The following RBFOX1 variants were observed in gnomAD, a reference collection of about 807,000 sequenced individuals.
The protein encoded by RBFOX1 is RNA binding fox-1 homolog 1.
A neutral mutation model predicts 57.7 loss-of-function variants in RBFOX1; 8 were observed. The observed-to-expected ratio is 0.14, with a 90% CI of 0.08 to 0.25. The LOEUF (loss-of-function observed/expected upper bound fraction) is 0.25. Ranked by LOEUF, RBFOX1 falls within the 10% of genes least tolerant of loss-of-function variation. RBFOX1 has a pLI of 1.00. For synonymous variants in RBFOX1, 326 were observed against 222.4 expected, an observed-to-expected ratio of 1.47 and a Z score of -4.15; for missense variants, 611 against 548.5, an observed-to-expected ratio of 1.11 and a Z score of -1.14.
intron 3 of RBFOX1, among the ~76,000 whole-genome samples, chr16:5,637,847 G>C (rs968227934): frequency 2.6e-5 from 4 of 152,106 alleles, no homozygotes; most frequent in African/African-American, 9.7e-5. Context: ...TGGATTCCAG[G>C]GGCCTCTCCT....
chr16:5,351,829 G>C (rs1017957159), intron 1 of RBFOX1, among the ~76,000 whole-genome samples: 4 of 152,120 alleles, frequency 2.6e-5, no homozygotes, highest in African/African-American at 9.7e-5. Context: ...TTGAGACAGA[G>C]TTTCACTCTT....
chr16:6,928,746 G>GT (rs990074731), intron 3 of RBFOX1, among the ~76,000 whole-genome samples: 8 of 152,156 alleles, frequency 5.3e-5, no homozygotes, highest in Admixed American at 6.5e-5. Flanking sequence ...GGTTGCATAT[G>GT]TGTGTGTTTC....
At chr16:7,363,499 A>G (rs1414196796) in intron 4 of RBFOX1, among the ~76,000 whole-genome samples, 1 of 151,496 alleles carries the variant, frequency 6.6e-6, no homozygotes, top group Non-Finnish European at 1.5e-5. Context: ...ATAAAGGAAA[A>G]AAAAAATAAG....
At position 7,579,673 on chromosome 16, in the gene RBFOX1, G is replaced by T. The variant is rs1263194005; in HGVS notation, c.271-104G>T. ...CAGCATTTTCTTCCCTTCTCAGATT[G>T]CTTAGTTCTGATCTTTTCCTGCCAC... On this transcript the variant is annotated intron_variant, in intron 5 of 15. Transcript: ENST00000550418. The T allele has an allele frequency of 3.6e-6, 5 of 1,406,326 alleles. No individual in the cohort carries two copies. The African/African-American group carries it at 7.1e-5, about 20-fold the overall frequency. The allele number at this position is 1,406,326 out of a possible 1,614,324, so 87.1% of individuals were successfully genotyped here.
chr16:6,060,614 C>T lies in RBFOX1; in HGVS notation c.-127+40622C>T, dbSNP rs142744441. On this transcript the variant is annotated intron_variant, in intron 1 of 15. Coordinates refer to ENST00000550418, the MANE Select transcript of RBFOX1 (RefSeq NM_018723.4). ...TGGTGTTGTAAACAGGAGTTCTCCA[C>T]ATGCATGTGTTGCTAAGCAACACAG... is the stretch of plus-strand genomic sequence containing the variant. Among the ~76,000 whole-genome samples, 20 of 152,316 alleles carry T rather than the reference C, an allele frequency of 1.3e-4. No individual in the cohort carries two copies. The East Asian group carries it at 3.9e-3, about 29-fold the overall frequency.
chr16:5,462,686 T>C (rs1472285938), intron 1 of RBFOX1, among the ~76,000 whole-genome samples: 1 of 152,208 alleles, frequency 6.6e-6, no homozygotes, highest in Non-Finnish European at 1.5e-5. Context: ...TGGCATGGAA[T>C]TCTACGCACC....
intron 3 of RBFOX1, among the ~76,000 whole-genome samples, chr16:5,788,355 G>C (rs556580330): frequency 4.6e-5 from 7 of 152,212 alleles, no homozygotes; most frequent in African/African-American, 1.7e-4. Flanking sequence ...GTGGCTGGGC[G>C]TGGTGGCTCA....
At position 6,320,523 on chromosome 16, in the gene RBFOX1, C is replaced by T. The variant is rs534539951; in HGVS notation, c.-64+3466C>T. 9.2e-5 allele frequency among the ~76,000 whole-genome samples: 14 copies of T among 151,632 alleles called. 1 individual carries two copies. The South Asian group carries it at 2.1e-3, about 23-fold the overall frequency. ...TAAAATTTAATTTTTTTTTAAATTGCGAAGATTTAAGGTATATATGAGACA... is the reference window on the plus strand; with the variant it reads ...TAAAATTTAATTTTTTTTTAAATTGTGAAGATTTAAGGTATATATGAGACA... On this transcript the variant is annotated intron_variant, in intron 2 of 15. Coordinates refer to ENST00000550418, the MANE Select transcript of RBFOX1 (RefSeq NM_018723.4).
At chr16:6,450,825 A>AGATATG in intron 2 of RBFOX1, among the ~76,000 whole-genome samples, 1 of 14,578 alleles carries the variant, frequency 6.9e-5, no homozygotes, top group Non-Finnish European at 1.1e-4. Flanking sequence ...ATACATATAT[A>AGATATG]TATATATATA....
At position 5,882,841 on chromosome 16, in the gene RBFOX1, A is replaced by G. The variant is rs747611547; in HGVS notation, c.351+15506A>G. Reference sequence around the variant, plus strand: ...ATTTGGACTCTGGGTATATTTTTATAAGCCATGGAGAGTCTGCAAATGAAA... The same window carrying G: ...ATTTGGACTCTGGGTATATTTTTATGAGCCATGGAGAGTCTGCAAATGAAA... On this transcript the variant is annotated intron_variant, in intron 4 of 19. Coordinates refer to the RBFOX1 transcript ENST00000641259. 3.4e-4 allele frequency among the ~76,000 whole-genome samples: 52 copies of G among 152,350 alleles called. 1 individual carries two copies. Among genetic ancestry groups the G allele is most frequent in the Middle Eastern group, 3.4e-3 (1 of 294 alleles).
chr16:6,487,681 AAAAAAAAAAAAAAAAAAAAATATATAT>A (rs2095517819), intron 2 of RBFOX1, among the ~76,000 whole-genome samples: 1 of 9,610 alleles, frequency 1.0e-4, no homozygotes, highest in African/African-American at 2.9e-4. Flanking sequence ...TGTAAAAAAA[AAAAAAAAAAAAAAAAAAAAATATATAT>A]ATATATATAT....
chr16:7,492,426 C>T (rs950372372), intron 4 of RBFOX1, among the ~76,000 whole-genome samples: 1 of 152,098 alleles, frequency 6.6e-6, no homozygotes, highest in African/African-American at 2.4e-5. Context: ...TCTTTAGTTT[C>T]CTAGAACTGT....
chr16:6,281,653 GC>G (rs1226477495), intron 1 of RBFOX1, among the ~76,000 whole-genome samples: 1 of 152,022 alleles, frequency 6.6e-6, no homozygotes, highest in African/African-American at 2.4e-5. Flanking sequence ...GGTAGTAACG[GC>G]AAAAACCTCA....
intron 1 of RBFOX1, among the ~76,000 whole-genome samples, chr16:6,127,558 G>T (rs2096598899): frequency 6.6e-6 from 1 of 152,150 alleles, no homozygotes; most frequent in Non-Finnish European, 1.5e-5. Flanking sequence ...TGAATTGCAG[G>T]TTAGGTGGTG....
intron 14 of RBFOX1, among the ~76,000 whole-genome samples, chr16:7,701,352 C>T (rs1433482561): frequency 2.6e-5 from 4 of 152,192 alleles, no homozygotes; most frequent in African/African-American, 9.6e-5. Flanking sequence ...CCCCCTCTCA[C>T]TCACATTCCT....
rs562969274 is a variant in RBFOX1 at position 6,870,731 on chromosome 16, C to T, written c.-15-181326C>T. Among the ~76,000 whole-genome samples the T allele has an allele frequency of 4.1e-4, 62 of 152,246 alleles. 1 individual carries two copies. The highest frequency in any genetic ancestry group is 1.5e-3 in the African/African-American group (61 of 41,552). Reference sequence around the variant, plus strand: ...TCAGTAATGTTGAATAATTATTTCACCACCAAAACTCCTCCCCACCCCAGC... The same window carrying T: ...TCAGTAATGTTGAATAATTATTTCATCACCAAAACTCCTCCCCACCCCAGC... On this transcript the variant is annotated intron_variant, in intron 3 of 15. Coordinates refer to ENST00000550418, the MANE Select transcript of RBFOX1 (RefSeq NM_018723.4).
At chr16:7,568,352 C>T (rs1170412168) in intron 5 of RBFOX1, among the ~76,000 whole-genome samples, 2 of 152,150 alleles carry the variant, frequency 1.3e-5, no homozygotes, top group Non-Finnish European at 2.9e-5. Flanking sequence ...TTTTAGACCA[C>T]ATAGGGTAAC....
At chr16:6,533,609 A>T (rs1456823598) in intron 2 of RBFOX1, among the ~76,000 whole-genome samples, 4 of 152,028 alleles carry the variant, frequency 2.6e-5, no homozygotes, top group Non-Finnish European at 2.9e-5. Flanking sequence ...TTGAAAAAGC[A>T]CCAGTGCAAT....
chr16:7,254,604 T>C (rs2094606414), intron 4 of RBFOX1, among the ~76,000 whole-genome samples: 1 of 152,122 alleles, frequency 6.6e-6, no homozygotes, highest in African/African-American at 2.4e-5. Flanking sequence ...TATAATCCTC[T>C]CTGTTGCTAC....
Sources: gnomAD v4.1 joint callset for allele counts (sites outside exome capture counted in the v4.1 genomes callset) on GRCh38, gnomAD v4.1.1 for gene constraint, MANE v1.5 for transcripts, NCBI Gene and HGNC (gene_info 2026-07-23, HGNC 2026-07-21) for gene names.